The following NOS1 variants were observed in gnomAD, a reference collection of about 807,000 sequenced individuals.
NOS1 encodes the protein NOS type I.
A neutral mutation model predicts 164.5 loss-of-function variants in NOS1; 51 were observed. The ratio of observed to expected loss-of-function variants is 0.31; its 90% confidence interval spans 0.25 to 0.39. The LOEUF (loss-of-function observed/expected upper bound fraction) is 0.39, where lower values mean the gene tolerates loss of function less well. Ranked by LOEUF, NOS1 falls within the 10% of genes least tolerant of loss-of-function variation. The pLI, the probability that NOS1 is intolerant of heterozygous loss-of-function variation, is 1.00. For missense variants in NOS1, 1,362 were observed against 1,885.6 expected (o/e 0.72, Z 5.14); for synonymous variants, 719 against 745.8 (o/e 0.96, Z 0.59).
At chr12:117,341,169 T>C (rs1426968771) in intron 1 of NOS1, among the ~76,000 whole-genome samples, 1 of 152,208 alleles carries the variant, frequency 6.6e-6, no homozygotes, top group African/African-American at 2.4e-5. Context: ...CTGGTGGATG[T>C]GCTGCTTAAG....
intron 3 of NOS1, among the ~76,000 whole-genome samples, chr12:117,307,031 T>G (rs968972320): frequency 6.6e-6 from 1 of 152,238 alleles, no homozygotes; most frequent in African/African-American, 2.4e-5. Flanking sequence ...TCCTCAGGCT[T>G]GAAGACCAAA....
intron 3 of NOS1, among the ~76,000 whole-genome samples, chr12:117,293,968 T>A (rs1388210903): frequency 6.6e-6 from 1 of 152,176 alleles, no homozygotes; most frequent in Non-Finnish European, 1.5e-5. Context: ...CCCTCCTGTG[T>A]CTTCCAGGAG....
chr12:117,282,669 C>G (rs1292121544), intron 7 of NOS1, among the ~76,000 whole-genome samples: 9 of 152,166 alleles, frequency 5.9e-5, no homozygotes, highest in Non-Finnish European at 1.2e-4. Context: ...GCCAAAATCA[C>G]ATAGAGGCAA....
intron 8 of NOS1, 126 bp from the exon 9 acceptor site, chr12:117,278,224 G>A: frequency 9.1e-7 from 1 of 1,103,396 alleles, no homozygotes; most frequent in Non-Finnish European, 1.2e-6. Context: ...ATTTCCTCTG[G>A]AGGCTCTTGG....
intron 1 of NOS1, among the ~76,000 whole-genome samples, chr12:117,339,244 C>T (rs545654): frequency 0.49 from 75,082 of 151,990 alleles, 18,838 homozygotes; most frequent in Middle Eastern, 0.57. Context: ...TCCTCAGCCA[C>T]GGAATTCCCC....
rs1422645252 is a variant in NOS1 at position 117,259,147 on chromosome 12, C to T, written c.2368-17G>A. 7 of 1,558,096 alleles carry T rather than the reference C, an allele frequency of 4.5e-6. No individual in the cohort carries two copies. The East Asian group carries it at 6.7e-5, about 15-fold the overall frequency. ...GGACATCACCTAGGTGGGCAGGGCA[C>T]AGGTATAGGATGGGGAGAGGAAGAA... On this transcript the variant is annotated splice_polypyrimidine_tract_variant and intron_variant, in intron 14 of 28. Transcript: ENST00000317775.
chr12:117,274,977 A>G (rs915435776), intron 9 of NOS1, among the ~76,000 whole-genome samples: 4 of 152,020 alleles, frequency 2.6e-5, no homozygotes, highest in African/African-American at 4.8e-5. Context: ...TATACTGACT[A>G]CAGTCAATAA....
rs1191532723 is a variant in NOS1, at chr12:117,331,282, C to T, written c.-213G>A. On this transcript the variant is annotated 5_prime_UTR_variant, in exon 2 of 29. Transcript: ENST00000317775. ...CGTCGGTGGCATGATTTCCTGCATCCGCCTCTCTCCTTATTCTCTAAGGAA... is the reference window on the plus strand; with the variant it reads ...CGTCGGTGGCATGATTTCCTGCATCTGCCTCTCTCCTTATTCTCTAAGGAA... The T allele has an allele frequency of 1.5e-5, 9 of 581,568 alleles. No homozygotes were observed. The highest frequency in any genetic ancestry group is 2.4e-5 in the Non-Finnish European group (8 of 330,438). The allele number at this position is 581,568 out of a possible 1,614,324, so 36.0% of individuals were successfully genotyped here.
chr12:117,287,817 A>G (rs1374660160), intron 5 of NOS1, among the ~76,000 whole-genome samples: 1 of 152,248 alleles, frequency 6.6e-6, no homozygotes, highest in Non-Finnish European at 1.5e-5. Flanking sequence ...GTTCCTTGTG[A>G]ACAGGTGTGA....
intron 1 of NOS1, among the ~76,000 whole-genome samples, chr12:117,354,567 C>T (rs750347594): frequency 6.6e-5 from 10 of 152,112 alleles, no homozygotes; most frequent in Non-Finnish European, 1.0e-4. Context: ...CAGTTGCTAT[C>T]GAGTACTATT....
intron 3 of NOS1, chr12:117,301,881 C>T (rs1056202184): frequency 1.7e-5 from 7 of 409,492 alleles, no homozygotes; most frequent in East Asian, 7.2e-5. Context: ...GCCTCAAATT[C>T]GCAATATATT....
chr12:117,208,589 C>T lies in NOS1; in HGVS notation c.*6720G>A, dbSNP rs752217580. The T allele has an allele frequency of 1.1e-5, 13 of 1,193,104 alleles. 1 individual carries two copies. Among genetic ancestry groups the T allele is most frequent in the East Asian group, 5.9e-5 (1 of 16,962 alleles). 73.9% of individuals were successfully genotyped at this position (1,193,104 alleles called of 1,614,324 possible). Reference sequence around the variant, plus strand: ...GAGAACACAACAATGAAAACAGTGGCGGCAGAGCACAGGACATGGGAGGGG... The same window carrying T: ...GAGAACACAACAATGAAAACAGTGGTGGCAGAGCACAGGACATGGGAGGGG... On this transcript the variant is annotated 3_prime_UTR_variant, in exon 29 of 29. Transcript: ENST00000317775.
At chr12:117,257,245 A>G (rs1871534663) in intron 16 of NOS1, among the ~76,000 whole-genome samples, 1 of 151,626 alleles carries the variant, frequency 6.6e-6, no homozygotes, top group African/African-American at 2.4e-5. Flanking sequence ...TACCATGCCC[A>G]GCTAATTTTT....
intron 9 of NOS1, 99 bp downstream of exon 9, chr12:117,277,860 G>A: frequency 8.6e-6 from 12 of 1,388,586 alleles, no homozygotes; most frequent in Middle Eastern, 2.4e-4. Context: ...TTCAGCTTCG[G>A]TCTGGACTAG....
At chr12:117,321,937 C>T (rs1013026854) in intron 2 of NOS1, among the ~76,000 whole-genome samples, 2 of 132,176 alleles carry the variant, frequency 1.5e-5, no homozygotes. Context: ...TCCTTCCCTC[C>T]CTCTCTCCTT....
chr12:117,224,015 G>A (rs1469206764), intron 25 of NOS1, among the ~76,000 whole-genome samples: 1 of 152,226 alleles, frequency 6.6e-6, no homozygotes, highest in Non-Finnish European at 1.5e-5. Context: ...TAACAGGACT[G>A]TTGTGAGAAA....
chr12:117,287,719 G>A (rs192955526), intron 5 of NOS1, among the ~76,000 whole-genome samples: 3 of 152,302 alleles, frequency 2.0e-5, no homozygotes, highest in East Asian at 3.9e-4. Context: ...GATTACAGGC[G>A]TGAGCCACTG....
chr12:117,299,109 C>T (rs1210581864), intron 3 of NOS1, among the ~76,000 whole-genome samples: 3 of 152,194 alleles, frequency 2.0e-5, no homozygotes, highest in African/African-American at 7.2e-5. Flanking sequence ...TCGCACCCAC[C>T]TGTGGGTACC....
chr12:117,352,759 T>C (rs900372023), intron 1 of NOS1, among the ~76,000 whole-genome samples: 1 of 152,132 alleles, frequency 6.6e-6, no homozygotes, highest in Non-Finnish European at 1.5e-5. Context: ...CGTATATGCA[T>C]GTGCACATGT....
Sources: allele counts gnomAD v4.1 joint callset (sites outside exome capture counted in the v4.1 genomes callset), GRCh38; gene constraint gnomAD v4.1.1; transcripts MANE v1.5; gene names NCBI Gene and HGNC (gene_info 2026-07-23, HGNC 2026-07-21).